VASP: variants seen among roughly 807,000 people sequenced by gnomAD.
VASP encodes vasodilator-stimulated phosphoprotein.
Under a neutral mutation model 54.4 loss-of-function variants are expected in VASP, and 27 were observed. That is an observed-to-expected ratio of 0.50 (90% CI 0.37 to 0.68). VASP has a LOEUF of 0.68. VASP is among the 30% of genes least tolerant of loss of function. VASP has a pLI of 0.00. For missense variants in VASP, 488 were observed against 528.3 expected (o/e 0.92, Z 0.75); for synonymous variants, 233 against 209.8 (o/e 1.11, Z -0.96).
intron 1 of VASP, among the ~76,000 whole-genome samples, chr19:45,512,344 A>C (rs907493168): frequency 4.7e-5 from 7 of 150,440 alleles, no homozygotes; most frequent in Admixed American, 4.6e-4. Flanking sequence ...GCTGGAGTGC[A>C]GTGGCGCGAT....
intron 6 of VASP, 46 bp from the exon 7 acceptor site, chr19:45,522,672 C>A: frequency 6.3e-7 from 1 of 1,590,324 alleles, no homozygotes; most frequent in African/African-American, 1.4e-5. Flanking sequence ...GCTGGAAGGC[C>A]AAAAGGCCTG....
intron 1 of VASP, among the ~76,000 whole-genome samples, chr19:45,515,722 GA>G (rs778824298): frequency 2.6e-5 from 4 of 152,092 alleles, no homozygotes; most frequent in Non-Finnish European, 4.4e-5. Context: ...CGTTTTTGTA[GA>G]GACGGGATTT....
intron 4 of VASP, among the ~76,000 whole-genome samples, chr19:45,521,738 A>G (rs558827525): frequency 6.6e-6 from 1 of 152,112 alleles, no homozygotes; most frequent in South Asian, 2.1e-4. Context: ...AAGATAACAA[A>G]AATTAGCCGG....
chr19:45,525,875 T>G, intron 11 of VASP, 71 bp from the exon 12 acceptor site: 1 of 1,491,702 alleles, frequency 6.7e-7, no homozygotes, highest in Non-Finnish European at 9.2e-7. Context: ...TCTCAAAAAA[T>G]AAAAGAAGGG....
chr19:45,520,918 T>G (rs1968816959), intron 3 of VASP, among the ~76,000 whole-genome samples: 1 of 152,194 alleles, frequency 6.6e-6, no homozygotes, highest in South Asian at 2.1e-4. Context: ...GAGCCGTGAT[T>G]GCACTGCTGC....
Position 45,526,221 on chromosome 19 carries a change from G to A in VASP, c.*44G>A, listed in dbSNP as rs1284271813. 3 of 1,582,192 alleles carry A rather than the reference G, an allele frequency of 1.9e-6. No individual in the cohort carries two copies. The highest frequency in any genetic ancestry group is 2.6e-6 in the Non-Finnish European group (3 of 1,169,716). On this transcript the variant is annotated 3_prime_UTR_variant, in exon 13 of 13. Coordinates refer to ENST00000245932, the MANE Select transcript of VASP (RefSeq NM_003370.4). ...CCCGCTTCTCCTTTCCGCACACCCG[G>A]CCTGTCACCCTGCTTTCCCTGCCTC...
chr19:45,522,144 C>G (rs745751447), intron 4 of VASP, 24 bp from the exon 5 acceptor site: 1 of 1,613,170 alleles, frequency 6.2e-7, no homozygotes, highest in South Asian at 1.1e-5. Context: ...TGATTGACGG[C>G]AGCTCTCTCG....
At chr19:45,509,902 G>A (rs1050376406) in intron 1 of VASP, among the ~76,000 whole-genome samples, 2 of 152,232 alleles carry the variant, frequency 1.3e-5, no homozygotes, top group African/African-American at 4.8e-5. Context: ...TGGTTTGGCT[G>A]GGGACAGTCC....
At chr19:45,521,472 G>T in intron 4 of VASP, 66 bp downstream of exon 4, 1 of 1,376,610 alleles carries the variant, frequency 7.3e-7, no homozygotes, top group Non-Finnish European at 9.7e-7. Flanking sequence ...TGGAACCCTT[G>T]ACTCCTAGAG....
In VASP at chr19:45,517,911, C is replaced by T. The variant is rs1325097904; in HGVS notation, c.178-18C>T. ...CCCTGCGCCCGCCGCCCCTCACCCC[C>T]CTTTCCCCTCCCACCAGGTGGTCAT... On this transcript the variant is annotated intron_variant, in intron 2 of 12. Coordinates refer to ENST00000245932, the MANE Select transcript of VASP (RefSeq NM_003370.4). 1 of 1,607,890 alleles carries T rather than the reference C, an allele frequency of 6.2e-7. No homozygotes were observed. The highest frequency in any genetic ancestry group is 1.3e-5 in the African/African-American group (1 of 74,822).
Position 45,522,155 on chromosome 19 carries a change from C to A in VASP, c.429-13C>A, listed in dbSNP as rs1382592442. The A allele has an allele frequency of 1.9e-6, 3 of 1,613,578 alleles. No individual in the cohort carries two copies. The highest frequency in any genetic ancestry group is 1.7e-6 in the Non-Finnish European group (2 of 1,179,996). ...GCCCTGATTGACGGCAGCTCTCTCGCCTCCCCCCACAGGCAGCAGCCCGGC... is the reference window on the plus strand; with the variant it reads ...GCCCTGATTGACGGCAGCTCTCTCGACTCCCCCCACAGGCAGCAGCCCGGC... On this transcript the variant is annotated splice_polypyrimidine_tract_variant and intron_variant, in intron 4 of 12. Transcript: ENST00000245932.
chr19:45,524,010 A>C, intron 9 of VASP, 87 bp from the exon 10 acceptor site: 2 of 1,606,358 alleles, frequency 1.2e-6, no homozygotes, highest in South Asian at 1.1e-5. Flanking sequence ...TGGGGCTTTG[A>C]TCAGGGGCTG....
chr19:45,516,170 T>C (rs1359437237), intron 1 of VASP, among the ~76,000 whole-genome samples: 1 of 152,194 alleles, frequency 6.6e-6, no homozygotes, highest in Non-Finnish European at 1.5e-5. Flanking sequence ...CCTGGGTTGG[T>C]ACCGTCTGGG....
chr19:45,511,395 T>C (rs1244406702), intron 1 of VASP, among the ~76,000 whole-genome samples: 1 of 151,818 alleles, frequency 6.6e-6, no homozygotes, highest in Non-Finnish European at 1.5e-5. Flanking sequence ...ATCCTTACAA[T>C]GAACCCAGTG....
At chr19:45,525,151 C>T in intron 11 of VASP, 2 of 159,808 alleles carry the variant, frequency 1.3e-5, no homozygotes, top group South Asian at 3.3e-4. Context: ...CACGGTGGCT[C>T]ATGTGTGTAA....
At chr19:45,508,682 G>A (rs1968540282) in intron 1 of VASP, among the ~76,000 whole-genome samples, 1 of 152,150 alleles carries the variant, frequency 6.6e-6, no homozygotes, top group South Asian at 2.1e-4. Flanking sequence ...TTTGCTCACC[G>A]TCCCCCTATC....
intron 9 of VASP, 96 bp downstream of exon 9, chr19:45,523,973 G>C (rs1180477352): frequency 6.2e-7 from 1 of 1,610,006 alleles, no homozygotes; most frequent in East Asian, 2.2e-5. Context: ...CAGGGCGAAT[G>C]GTGCTGGGGA....
chr19:45,522,731 CA>C lies in VASP; in HGVS notation c.735del (p.Thr249GlnfsTer19), dbSNP rs757045092. On this transcript the variant is annotated frameshift_variant, in exon 7 of 13. Coordinates refer to ENST00000245932, the MANE Select transcript of VASP (RefSeq NM_003370.4). LOFTEE classifies it high-confidence loss of function. ...AAATTTCTCCAGCAGGAGGAGGCCTCAGGGGGGCCCACAGCCCCCAAAGCTG... is the reference window on the plus strand; with the variant it reads ...AAATTTCTCCAGCAGGAGGAGGCCTCGGGGGGCCCACAGCCCCCAAAGCTG... ...LRKVSKQEEA[S>X]GGPTAPKAES... 1 of 1,604,198 alleles carries C rather than the reference CA, an allele frequency of 6.2e-7. No homozygotes were observed. The highest frequency in any genetic ancestry group is 8.5e-7 in the Non-Finnish European group (1 of 1,177,532).
At chr19:45,524,944 G>T in intron 11 of VASP, 2 of 340,714 alleles carry the variant, frequency 5.9e-6, no homozygotes, top group Non-Finnish European at 1.1e-5. Context: ...TTGGCAGGAG[G>T]CTGGAATGCG....
Sources: gnomAD v4.1 joint callset for allele counts (sites outside exome capture counted in the v4.1 genomes callset) on GRCh38, gnomAD v4.1.1 for gene constraint, MANE v1.5 for transcripts, NCBI Gene and HGNC (gene_info 2026-07-23, HGNC 2026-07-21) for gene names.